PDE1C: variants seen among roughly 807,000 people sequenced by gnomAD.
PDE1C encodes phosphodiesterase 1C, also known as dual specificity calcium/calmodulin-dependent 3',5'-cyclic nucleotide phosphodiesterase 1C.
A neutral mutation model predicts 93.1 loss-of-function variants in PDE1C; 62 were observed. The ratio of observed to expected loss-of-function variants is 0.67; its 90% CI spans 0.54 to 0.82. PDE1C has a LOEUF of 0.82. Ranked by LOEUF, PDE1C falls within the 40% of genes least tolerant of loss-of-function variation. PDE1C has a pLI of 0.00. For missense variants in PDE1C, 742 were observed against 884.6 expected (o/e 0.84, Z 2.04); for synonymous variants, 325 against 310.1 (o/e 1.05, Z -0.50).
the PDE1C span, among the ~76,000 whole-genome samples, chr7:31,734,818 A>G: frequency 6.6e-6 from 1 of 152,208 alleles, no homozygotes; most frequent in Admixed American, 6.5e-5. Flanking sequence ...TAAGTTTTTC[A>G]TATGGCTGCC....
At chr7:31,665,662 T>G in the PDE1C span, among the ~76,000 whole-genome samples, 1 of 152,200 alleles carries the variant, frequency 6.6e-6, no homozygotes, top group Non-Finnish European at 1.5e-5. Flanking sequence ...AAAATTAGTT[T>G]GATCTCTCCT....
intron 2 of PDE1C, among the ~76,000 whole-genome samples, chr7:31,890,871 C>A (rs1562980675): frequency 1.3e-5 from 2 of 152,198 alleles, no homozygotes; most frequent in South Asian, 4.2e-4. Context: ...CCTGAGGCTG[C>A]CGCTTTGAAT....
chr7:32,010,360 T>G (rs1786914174), intron 2 of PDE1C, among the ~76,000 whole-genome samples: 1 of 152,296 alleles, frequency 6.6e-6, no homozygotes, highest in East Asian at 1.9e-4. Context: ...AAACTAATTT[T>G]TAACAGAGGT....
At chr7:31,984,376 C>T (rs1304116258) in intron 2 of PDE1C, among the ~76,000 whole-genome samples, 1 of 152,124 alleles carries the variant, frequency 6.6e-6, no homozygotes. Context: ...CCCCTGCCAT[C>T]CGTGGCAAAA....
intron 1 of PDE1C, among the ~76,000 whole-genome samples, chr7:32,418,607 G>C (rs1389600839): frequency 6.6e-6 from 1 of 152,256 alleles, no homozygotes; most frequent in East Asian, 1.9e-4. Flanking sequence ...TCCAGATTAA[G>C]ATTCACTTTT....
chr7:31,689,334 GC>G, the PDE1C span, among the ~76,000 whole-genome samples: 2 of 152,182 alleles, frequency 1.3e-5, no homozygotes, highest in Non-Finnish European at 1.5e-5. Context: ...GGAGGCCCTA[GC>G]TTTTTGGTTG....
the PDE1C span, among the ~76,000 whole-genome samples, chr7:31,679,265 T>A: frequency 6.6e-6 from 1 of 152,168 alleles, no homozygotes; most frequent in African/African-American, 2.4e-5. Flanking sequence ...TAGCTGACCT[T>A]CTCATTGGCA....
chr7:31,748,471 A>C (rs1332489884), downstream of PDE1C, among the ~76,000 whole-genome samples: 1 of 152,236 alleles, frequency 6.6e-6, no homozygotes, highest in Non-Finnish European at 1.5e-5. Context: ...AGAGAACCCA[A>C]GTTGAACATT....
At chr7:31,675,851 GC>G in the PDE1C span, among the ~76,000 whole-genome samples, 1 of 152,020 alleles carries the variant, frequency 6.6e-6, no homozygotes, top group East Asian at 1.9e-4. Context: ...AAGGAAATAG[GC>G]AAAAGGTTAC....
At chr7:31,820,835 C>T (rs1165785834) in intron 14 of PDE1C, 2 of 152,052 alleles carry the variant, frequency 1.3e-5, no homozygotes, top group African/African-American at 4.8e-5. Flanking sequence ...CCTTCTTTTC[C>T]AATTTGCATA....
intron 2 of PDE1C, among the ~76,000 whole-genome samples, chr7:31,917,521 G>A (rs1802078682): frequency 6.6e-6 from 1 of 151,898 alleles, no homozygotes; most frequent in Non-Finnish European, 1.5e-5. Context: ...CTGTGAATAG[G>A]CCTGCTGAAG....
intron 17 of PDE1C, among the ~76,000 whole-genome samples, chr7:31,757,734 TG>T (rs1794559826): frequency 6.6e-6 from 1 of 152,240 alleles, no homozygotes; most frequent in African/African-American, 2.4e-5. Flanking sequence ...TGGAAGACAG[TG>T]TGGCAATTCC....
intron 2 of PDE1C, among the ~76,000 whole-genome samples, chr7:31,974,353 A>G (rs1217834966): frequency 6.6e-6 from 1 of 152,212 alleles, no homozygotes; most frequent in Non-Finnish European, 1.5e-5. Context: ...TCTTTGTCAA[A>G]TTTTAACATG....
intron 2 of PDE1C, among the ~76,000 whole-genome samples, chr7:32,029,240 G>A (rs1022709936): frequency 7.7e-5 from 4 of 52,134 alleles, no homozygotes; most frequent in Admixed American, 1.4e-4. Context: ...ATTGTTGGCA[G>A]GAATGTAAAT....
At chr7:31,785,421 G>A (rs1783825258) in intron 16 of PDE1C, 1 of 152,118 alleles carries the variant, frequency 6.6e-6, no homozygotes, top group Non-Finnish European at 1.5e-5. Context: ...CTTGGGAACA[G>A]AAGCCAGAAT....
chr7:31,807,894 T>C (rs972314508), intron 16 of PDE1C, among the ~76,000 whole-genome samples: 1 of 151,808 alleles, frequency 6.6e-6, no homozygotes, highest in Non-Finnish European at 1.5e-5. Flanking sequence ...GGTACACTCA[T>C]TAGGTAAGTG....
At chr7:31,852,367 A>G (rs1793454752) in intron 7 of PDE1C, among the ~76,000 whole-genome samples, 1 of 152,214 alleles carries the variant, frequency 6.6e-6, no homozygotes, top group African/African-American at 2.4e-5. Context: ...GGTACACGGA[A>G]CAGAAAGTCA....
chr7:31,667,531 T>C, the PDE1C span, among the ~76,000 whole-genome samples: 2 of 152,096 alleles, frequency 1.3e-5, no homozygotes, highest in Non-Finnish European at 2.9e-5. Context: ...CTGGGCACCG[T>C]CGTAGGGGTA....
intron 3 of PDE1C, among the ~76,000 whole-genome samples, chr7:32,116,977 AT>A (rs1799017827): frequency 1.3e-5 from 2 of 152,144 alleles, no homozygotes; most frequent in Non-Finnish European, 2.9e-5. Flanking sequence ...CCTGAACCAT[AT>A]GGGGAAAGCA....
Sources: allele counts gnomAD v4.1 joint callset (sites outside exome capture counted in the v4.1 genomes callset), GRCh38; gene constraint gnomAD v4.1.1; transcripts MANE v1.5; gene names NCBI Gene and HGNC (gene_info 2026-07-23, HGNC 2026-07-21).